Variants in ACVR1 observed in about 807,000 individuals in gnomAD.
The protein encoded by ACVR1 is activin A receptor type 1, also known as activin receptor type-1.
In ACVR1, 38 loss-of-function variants were observed where a neutral mutation model predicts 57.1. The ratio of observed to expected loss-of-function variants is 0.67; its 90% CI spans 0.51 to 0.87. The LOEUF (loss-of-function observed/expected upper bound fraction) is 0.87. ACVR1 is among the 40% of genes least tolerant of loss of function. The probability of loss-of-function intolerance (pLI) is 0.00; values close to 1 mark genes in which losing one functional copy is unlikely to be tolerated. For synonymous variants in ACVR1, 212 were observed against 228.1 expected, an observed-to-expected ratio of 0.93 and a Z score of 0.63; for missense variants, 463 against 638.2, an observed-to-expected ratio of 0.73 and a Z score of 2.96.
intron 2 of ACVR1, among the ~76,000 whole-genome samples, chr2:157,816,957 C>A (rs890387102): frequency 6.6e-6 from 1 of 151,856 alleles, no homozygotes; most frequent in Non-Finnish European, 1.5e-5. Context: ...TCCTGGATAG[C>A]GAGACATTTT....
chr2:157,799,433 T>C lies in ACVR1; in HGVS notation c.61A>G (p.Met21Val), dbSNP rs1170014341. 2 of 1,609,786 alleles carry C rather than the reference T, an allele frequency of 1.2e-6. No individual in the cohort carries two copies. The highest frequency in any genetic ancestry group is 1.7e-6 in the Non-Finnish European group (2 of 1,177,314). ...AAAGATGTGAGTCACTTACCTTCCA[T>C]ACTAGGGGAGGGGAGAGCAATCATG... ...LIMIALPSPSMEDEKPKVNPK... is the reference protein window; with the variant it reads ...LIMIALPSPSVEDEKPKVNPK... Residue 21 changes from methionine (M) to valine (V), a missense_variant, in exon 3 of 11, where the codon ATG (methionine) becomes GTG (valine). By Grantham distance (21) the Met-to-Val change is conservative (BLOSUM62 1). This residue lies in a region of ACVR1 where 203 missense variants were observed against 235.5 expected (regional missense o/e 0.86). Coordinates refer to ENST00000434821, the MANE Select transcript of ACVR1 (RefSeq NM_001111067.4).
Position 157,819,159 on chromosome 2 carries a change from A to G in ACVR1, c.-182-600T>C, listed in dbSNP as rs548051879. On this transcript the variant is annotated intron_variant, in intron 1 of 10. Coordinates refer to ENST00000434821, the MANE Select transcript of ACVR1 (RefSeq NM_001111067.4). ...AATCAAGTTCTTTTAAAGCCTATACACTATGTACTCTAGCCCTTTCCTCTC... is the reference window on the plus strand; with the variant it reads ...AATCAAGTTCTTTTAAAGCCTATACGCTATGTACTCTAGCCCTTTCCTCTC... Among the ~76,000 whole-genome samples, 7 of 150,798 alleles carry G rather than the reference A, an allele frequency of 4.6e-5. No individual in the cohort carries two copies. In the East Asian group the frequency reaches 1.2e-3, roughly 25 times the overall value.
chr2:157,784,366 C>T (rs902795732), intron 3 of ACVR1, among the ~76,000 whole-genome samples: 2 of 152,290 alleles, frequency 1.3e-5, no homozygotes, highest in East Asian at 1.9e-4. Context: ...CAGGAAGCAC[C>T]GTATCTGATG....
intron 3 of ACVR1, among the ~76,000 whole-genome samples, chr2:157,785,399 C>A (rs1356539182): frequency 6.6e-6 from 1 of 152,176 alleles, no homozygotes. Context: ...TCCGGGAGCA[C>A]AGTTTGGCAC....
At chr2:157,867,410 GAACA>G (rs1030804775) in intron 1 of ACVR1, among the ~76,000 whole-genome samples, 12 of 152,254 alleles carry the variant, frequency 7.9e-5, no homozygotes, top group South Asian at 4.1e-4. Flanking sequence ...TAGCCTACAG[GAACA>G]AACAAACAAA....
At chr2:157,751,194 C>A (rs1685178998) in intron 9 of ACVR1, among the ~76,000 whole-genome samples, 1 of 152,156 alleles carries the variant, frequency 6.6e-6, no homozygotes, top group Non-Finnish European at 1.5e-5. Context: ...CACTGGGGAA[C>A]CTGAAGGTCC....
chr2:157,801,320 A>G (rs1437676066), intron 2 of ACVR1, among the ~76,000 whole-genome samples: 1 of 152,170 alleles, frequency 6.6e-6, no homozygotes, highest in Non-Finnish European at 1.5e-5. Context: ...GGTCCGTTCA[A>G]GTGGAATTAC....
At chr2:157,818,599 GA>G (rs1315430881) in intron 1 of ACVR1, 40 bp from the exon 2 acceptor site, 1 of 152,262 alleles carries the variant, frequency 6.6e-6, no homozygotes, top group African/African-American at 2.4e-5. Flanking sequence ...CTAAGCAGAA[GA>G]AAATCCTGCA....
In ACVR1 at chr2:157,824,376, G is replaced by A. The variant is rs544128975; in HGVS notation, c.-182-5817C>T. Among the ~76,000 whole-genome samples the A allele has an allele frequency of 2.0e-4, 31 of 152,300 alleles. No individual in the cohort carries two copies. The South Asian group carries it at 6.0e-3, about 30-fold the overall frequency. On this transcript the variant is annotated intron_variant, in intron 1 of 10. Transcript: ENST00000434821. ...CCAGCTACTCAGGAGGCTGAGATGG[G>A]GGGACTGCTTCAGCCCAGGAGCTCG... is the stretch of plus-strand genomic sequence containing the variant.
chr2:157,866,469 G>C (rs2105384240), intron 1 of ACVR1, among the ~76,000 whole-genome samples: 1 of 152,286 alleles, frequency 6.6e-6, no homozygotes, highest in South Asian at 2.1e-4. Flanking sequence ...CTCTGAATTT[G>C]AAAAGGACAT....
intron 1 of ACVR1, chr2:157,874,756 G>A (rs1690222374): frequency 6.6e-6 from 1 of 152,044 alleles, no homozygotes; most frequent in Admixed American, 6.5e-5. Context: ...TCAAAAATAT[G>A]TAAAAACATG....
intron 2 of ACVR1, among the ~76,000 whole-genome samples, chr2:157,800,248 G>C (rs950110567): frequency 1.3e-5 from 2 of 152,172 alleles, no homozygotes; most frequent in Non-Finnish European, 2.9e-5. Flanking sequence ...TTAATGATAG[G>C]TTAGTGTGCT....
At chr2:157,811,890 C>A (rs1271717555) in intron 2 of ACVR1, among the ~76,000 whole-genome samples, 2 of 152,164 alleles carry the variant, frequency 1.3e-5, no homozygotes, top group Non-Finnish European at 2.9e-5. Context: ...AGCATTGTGG[C>A]ACTTCTGAGA....
intron 1 of ACVR1, among the ~76,000 whole-genome samples, chr2:157,865,946 C>CT (rs1448117974): frequency 1.3e-5 from 2 of 152,120 alleles, no homozygotes; most frequent in African/African-American, 2.4e-5. Flanking sequence ...GTACTGAACT[C>CT]TATCTATGGA....
intron 9 of ACVR1, among the ~76,000 whole-genome samples, chr2:157,753,521 C>A (rs1685294691): frequency 6.6e-6 from 1 of 151,974 alleles, no homozygotes; most frequent in East Asian, 1.9e-4. Flanking sequence ...GAGCGAGAAT[C>A]CATCTCAAAA....
At chr2:157,856,928 G>C (rs1050401390) in intron 1 of ACVR1, among the ~76,000 whole-genome samples, 1 of 152,186 alleles carries the variant, frequency 6.6e-6, no homozygotes, top group African/African-American at 2.4e-5. Context: ...GCCAGGTACA[G>C]TGGTTTACGC....
rs113926874 is a variant in ACVR1, at chr2:157,805,105, C to G, written c.-7-5605G>C. Among the ~76,000 whole-genome samples, 177 of 152,268 alleles carry G rather than the reference C, an allele frequency of 1.2e-3. 1 individual carries two copies. The highest frequency in any genetic ancestry group is 4.0e-3 in the African/African-American group (168 of 41,566). ...GAACCCATATCAGGCAATCTAAGTG[C>G]TAATCTATAATACAGCATGTTTCTG... On this transcript the variant is annotated intron_variant, in intron 2 of 10. Transcript: ENST00000434821.
chr2:157,737,310 T>A lies in ACVR1; in HGVS notation c.*221A>T. ...CTGTCCAACATTAGTCTCTGCAGTGTGAACAGTTCGTGAAATGCCCAGTTC... is the reference window on the plus strand; with the variant it reads ...CTGTCCAACATTAGTCTCTGCAGTGAGAACAGTTCGTGAAATGCCCAGTTC... On this transcript the variant is annotated 3_prime_UTR_variant, in exon 11 of 11. Transcript: ENST00000434821. 4.8e-6 allele frequency: 3 copies of A among 622,438 alleles called. No individual in the cohort carries two copies. The South Asian group carries it at 5.4e-5, about 11-fold the overall frequency. The allele number at this position is 622,438 out of a possible 1,614,324, so 38.6% of individuals were successfully genotyped here.
At chr2:157,858,171 T>C (rs1296605822) in intron 1 of ACVR1, among the ~76,000 whole-genome samples, 1 of 152,110 alleles carries the variant, frequency 6.6e-6, no homozygotes, top group Non-Finnish European at 1.5e-5. Flanking sequence ...CCTCTTGAGC[T>C]CTTCTCTTAC....
Sources: allele counts gnomAD v4.1 joint callset (sites outside exome capture counted in the v4.1 genomes callset), GRCh38; gene constraint gnomAD v4.1.1; regional missense constraint gnomAD v4.1.1; transcripts MANE v1.5; gene names NCBI Gene and HGNC (gene_info 2026-07-23, HGNC 2026-07-21).